RPF2: variants seen among roughly 807,000 people sequenced by gnomAD.
The protein encoded by RPF2 is brix domain containing 1.
In RPF2, 21 loss-of-function variants were observed where a neutral mutation model predicts 38.9. That is an observed-to-expected ratio of 0.54 (90% CI 0.38 to 0.78). The LOEUF is 0.78. RPF2 is among the 30% of genes least tolerant of loss of function. The probability of loss-of-function intolerance (pLI) is 0.00; values close to 1 mark genes in which losing one functional copy is unlikely to be tolerated. For missense variants in RPF2, 314 were observed against 358.1 expected (o/e 0.88, Z 0.99); for synonymous variants, 121 against 126.2 (o/e 0.96, Z 0.28).
chr6:111,019,184 C>A (rs1772184286), intron 8 of RPF2, among the ~76,000 whole-genome samples: 1 of 152,126 alleles, frequency 6.6e-6, no homozygotes, highest in South Asian at 2.1e-4. Flanking sequence ...TCAAGACCAG[C>A]CTGGCCAACA....
intron 1 of RPF2, among the ~76,000 whole-genome samples, chr6:110,984,638 G>A (rs756619062): frequency 1.3e-5 from 2 of 152,066 alleles, no homozygotes; most frequent in African/African-American, 2.4e-5. Context: ...TCAGTAGTTC[G>A]AGAATAGCCT....
intron 8 of RPF2, among the ~76,000 whole-genome samples, chr6:111,018,808 C>T (rs1772176802): frequency 6.6e-6 from 1 of 152,130 alleles, no homozygotes; most frequent in African/African-American, 2.4e-5. Flanking sequence ...CCCCTTAAGT[C>T]TCCTGTTTGA....
chr6:111,004,477 C>T (rs1056404591), intron 6 of RPF2, among the ~76,000 whole-genome samples: 8 of 151,904 alleles, frequency 5.3e-5, no homozygotes, highest in Non-Finnish European at 2.9e-5. Flanking sequence ...CCACTGTGCC[C>T]GGCCGTGACT....
intron 4 of RPF2, among the ~76,000 whole-genome samples, chr6:110,996,802 G>A (rs1009510792): frequency 2.6e-5 from 4 of 151,916 alleles, no homozygotes; most frequent in African/African-American, 7.3e-5. Flanking sequence ...TTTTTGTTTC[G>A]TTTTGTTTTG....
chr6:111,003,205 C>T (rs183947627), intron 6 of RPF2, among the ~76,000 whole-genome samples: 1 of 151,420 alleles, frequency 6.6e-6, no homozygotes, highest in East Asian at 1.9e-4. Context: ...CTTTACTTCT[C>T]CCTTGTCTTT....
intron 4 of RPF2, 95 bp downstream of exon 4, chr6:110,991,881 AT>A: frequency 2.4e-6 from 1 of 424,500 alleles, no homozygotes; most frequent in Non-Finnish European, 4.3e-6. Context: ...TTTTTTAAAC[AT>A]TAGAAGTCAT....
chr6:111,003,202 T>A (rs908145822), intron 6 of RPF2, among the ~76,000 whole-genome samples: 2 of 152,002 alleles, frequency 1.3e-5, no homozygotes, highest in African/African-American at 4.8e-5. Flanking sequence ...TCCCTTTACT[T>A]CTCCCTTGTC....
At chr6:111,017,309 C>T (rs1034748600) in intron 8 of RPF2, among the ~76,000 whole-genome samples, 18 of 149,698 alleles carry the variant, frequency 1.2e-4, no homozygotes, top group African/African-American at 3.9e-4. Flanking sequence ...TGGGCGGAGG[C>T]GCCCCCACCT....
intron 4 of RPF2, 22 bp downstream of exon 4, chr6:110,991,808 A>T: frequency 9.7e-7 from 1 of 1,034,424 alleles, no homozygotes; most frequent in Non-Finnish European, 1.4e-6. Context: ...AATCTTTATG[A>T]TTTAAGAAAG....
chr6:111,017,389 AGG>A (rs1772140357), intron 8 of RPF2, among the ~76,000 whole-genome samples: 1 of 133,678 alleles, frequency 7.5e-6, no homozygotes, highest in South Asian at 2.7e-4. Flanking sequence ...GGCGGCTGCC[AGG>A]CGGAGACGCT....
intron 6 of RPF2, 102 bp downstream of exon 6, chr6:110,999,889 C>T: frequency 1.6e-6 from 1 of 634,630 alleles, no homozygotes; most frequent in Non-Finnish European, 2.8e-6. Flanking sequence ...AGATCAAGAA[C>T]TTTGTGTTTT....
At chr6:110,998,562 C>T (rs958359763) in intron 5 of RPF2, among the ~76,000 whole-genome samples, 4 of 152,044 alleles carry the variant, frequency 2.6e-5, no homozygotes, top group East Asian at 3.9e-4. Context: ...ACCAAAAAAC[C>T]CCACCAAACT....
chr6:111,012,978 A>G (rs1772045893), intron 7 of RPF2, among the ~76,000 whole-genome samples: 2 of 152,104 alleles, frequency 1.3e-5, no homozygotes, highest in Non-Finnish European at 2.9e-5. Context: ...CCATGCTTTT[A>G]TTTATACAGT....
intron 6 of RPF2, among the ~76,000 whole-genome samples, chr6:111,003,794 GC>G (rs1771855248): frequency 6.6e-6 from 1 of 152,088 alleles, no homozygotes; most frequent in Non-Finnish European, 1.5e-5. Flanking sequence ...CTGCAATCTA[GC>G]CTGGGTAACA....
intron 7 of RPF2, 46 bp from the exon 8 acceptor site, chr6:111,015,708 G>A (rs374167220): frequency 2.3e-6 from 3 of 1,297,022 alleles, no homozygotes; most frequent in Non-Finnish European, 2.2e-6. Flanking sequence ...ACTGAATTTT[G>A]CAAGTATTTG....
chr6:111,020,041 A>G (rs1443329198), intron 8 of RPF2, among the ~76,000 whole-genome samples: 1 of 150,322 alleles, frequency 6.7e-6, no homozygotes. Flanking sequence ...CAGCCTCCCA[A>G]GTAGCTGGAA....
intron 4 of RPF2, among the ~76,000 whole-genome samples, chr6:110,992,123 A>G (rs1187954765): frequency 1.3e-5 from 2 of 152,142 alleles, no homozygotes; most frequent in East Asian, 3.9e-4. Flanking sequence ...CCTGACCAAC[A>G]TGGAGAAACC....
intron 6 of RPF2, among the ~76,000 whole-genome samples, chr6:111,003,608 A>T (rs9386980): frequency 0.13 from 19,634 of 152,140 alleles, 1,735 homozygotes; most frequent in East Asian, 0.49. Flanking sequence ...GGATGATTAT[A>T]TTCAATGAAG....
At chr6:110,987,265 G>T (rs928311964) in intron 2 of RPF2, among the ~76,000 whole-genome samples, 2 of 151,928 alleles carry the variant, frequency 1.3e-5, no homozygotes, top group Non-Finnish European at 2.9e-5. Context: ...CACCATGTTG[G>T]CCAGGCTGGT....
Sources: allele counts gnomAD v4.1 joint callset (sites outside exome capture counted in the v4.1 genomes callset), GRCh38; gene constraint gnomAD v4.1.1; transcripts MANE v1.5; gene names NCBI Gene and HGNC (gene_info 2026-07-23, HGNC 2026-07-21).